Variants in KCNK9 observed in about 807,000 individuals in gnomAD.
KCNK9 encodes the protein potassium channel subfamily K member 9.
A neutral mutation model predicts 10.8 loss-of-function variants in KCNK9; 1 was observed. The ratio of observed to expected loss-of-function variants is 0.09; its 90% CI spans 0.03 to 0.44. KCNK9 has a LOEUF of 0.44. Ranked by LOEUF, KCNK9 falls within the 20% of genes least tolerant of loss-of-function variation. KCNK9 has a pLI of 0.97. For synonymous variants in KCNK9, 231 were observed against 222.7 expected (o/e 1.04, Z -0.33); for missense variants, 303 against 515.0 (o/e 0.59, Z 3.98).
At chr8:139,678,696 C>A (rs937054187) in intron 1 of KCNK9, among the ~76,000 whole-genome samples, 2 of 152,244 alleles carry the variant, frequency 1.3e-5, no homozygotes, top group African/African-American at 2.4e-5. Context: ...GGGGTCAAGG[C>A]CTGTGGGCTT....
chr8:139,624,704 C>T (rs568791829), intron 1 of KCNK9, among the ~76,000 whole-genome samples: 1 of 152,308 alleles, frequency 6.6e-6, no homozygotes, highest in African/African-American at 2.4e-5. Context: ...CTGGAGCATC[C>T]TAGGTCACCT....
At chr8:139,675,383 CA>C (rs1816526131) in intron 1 of KCNK9, among the ~76,000 whole-genome samples, 1 of 152,162 alleles carries the variant, frequency 6.6e-6, no homozygotes, top group African/African-American at 2.4e-5. Flanking sequence ...ATTTTAATCC[CA>C]ATGTGACAGC....
chr8:139,606,557 TC>T (rs1357289485), intron 2 of KCNK9, among the ~76,000 whole-genome samples: 3 of 152,212 alleles, frequency 2.0e-5, no homozygotes, highest in Non-Finnish European at 2.9e-5. Flanking sequence ...AAGCTTAATT[TC>T]TTCTATGCCT....
At chr8:139,624,420 G>T (rs1814899420) in intron 1 of KCNK9, among the ~76,000 whole-genome samples, 1 of 152,160 alleles carries the variant, frequency 6.6e-6, no homozygotes, top group African/African-American at 2.4e-5. Flanking sequence ...CCTGGAGGGA[G>T]CTTACAGTCG....
chr8:139,616,691 T>C (rs1814599778), downstream of KCNK9: 1 of 152,204 alleles, frequency 6.6e-6, no homozygotes, highest in African/African-American at 2.4e-5. Context: ...TAAACCGTGT[T>C]CCTTCTGAGT....
chr8:139,603,128 A>G (rs1817408674), intron 2 of KCNK9, among the ~76,000 whole-genome samples: 1 of 152,238 alleles, frequency 6.6e-6, no homozygotes, highest in South Asian at 2.1e-4. Flanking sequence ...AAACCAAGAT[A>G]TGCAGAAAAG....
chr8:139,632,515 C>G (rs576290223), intron 1 of KCNK9, among the ~76,000 whole-genome samples: 127 of 152,286 alleles, frequency 8.3e-4, no homozygotes, highest in African/African-American at 3.0e-3. Context: ...CCTGGGCACA[C>G]AGCTGGGCCA....
In KCNK9 at chr8:139,617,937, C is replaced by A; in HGVS notation, c.*321G>T. On this transcript the variant is annotated 3_prime_UTR_variant, in exon 2 of 2. Coordinates refer to ENST00000520439, the MANE Select transcript of KCNK9 (RefSeq NM_001282534.2). ...CGTGGTCTTGGTCTCACATCTGTCC[C>A]GGGAAAACCACTGCAGAGATGATGG... is the stretch of plus-strand genomic sequence containing the variant. The A allele has an allele frequency of 2.7e-6, 1 of 371,552 alleles. No homozygotes were observed. Among genetic ancestry groups the A allele is most frequent in the Non-Finnish European group, 5.1e-6 (1 of 196,936 alleles). The allele number at this position is 371,552 out of a possible 1,614,324, so 23.0% of individuals were successfully genotyped here.
intron 1 of KCNK9, among the ~76,000 whole-genome samples, chr8:139,632,991 T>C (rs924416705): frequency 6.6e-6 from 1 of 152,002 alleles, no homozygotes; most frequent in Non-Finnish European, 1.5e-5. Context: ...ACCCCTCGGT[T>C]TGGTGCAGTC....
chr8:139,614,007 A>G (rs1327942656), downstream of KCNK9, among the ~76,000 whole-genome samples: 1 of 152,114 alleles, frequency 6.6e-6, no homozygotes, highest in African/African-American at 2.4e-5. Context: ...ATATTACAAA[A>G]AGAAATGGAG....
At chr8:139,680,046 C>T (rs1374145613) in intron 1 of KCNK9, among the ~76,000 whole-genome samples, 1 of 152,206 alleles carries the variant, frequency 6.6e-6, no homozygotes, top group African/African-American at 2.4e-5. Flanking sequence ...GGCTCCCACC[C>T]CGACCAGGTC....
At chr8:139,662,358 G>A (rs964901922) in intron 1 of KCNK9, among the ~76,000 whole-genome samples, 16 of 152,304 alleles carry the variant, frequency 1.1e-4, no homozygotes, top group Admixed American at 7.8e-4. Context: ...GATGGGGGAC[G>A]AGGGGACACG....
chr8:139,649,645 A>G (rs1021833038), intron 1 of KCNK9, among the ~76,000 whole-genome samples: 3 of 152,124 alleles, frequency 2.0e-5, no homozygotes, highest in Admixed American at 6.5e-5. Flanking sequence ...AAAGCCTTCA[A>G]TGGCTCCCCA....
At chr8:139,613,094 C>A (rs977512413), downstream of KCNK9, among the ~76,000 whole-genome samples, 1 of 152,218 alleles carries the variant, frequency 6.6e-6, no homozygotes, top group Non-Finnish European at 1.5e-5. Context: ...TTAGGCGTGA[C>A]AATGGCACCG....
At chr8:139,661,615 C>T (rs1244178606) in intron 1 of KCNK9, among the ~76,000 whole-genome samples, 2 of 152,200 alleles carry the variant, frequency 1.3e-5, no homozygotes, top group Non-Finnish European at 2.9e-5. Flanking sequence ...ATCATCCAGC[C>T]CCCAGCACCA....
rs772706753 is a variant in KCNK9, at chr8:139,702,671, C to G, written c.283+39G>C. 7.0e-6 allele frequency: 11 copies of G among 1,574,206 alleles called. No individual in the cohort carries two copies. The highest frequency in any genetic ancestry group is 9.4e-6 in the Non-Finnish European group (11 of 1,164,618). On this transcript the variant is annotated intron_variant, in intron 1 of 1. Transcript: ENST00000520439. The surrounding 1 kb of genome is among the most constrained non-coding windows in gnomAD (Gnocchi z 7.5). ...CGCTCAGCCGCCTCCCCGGACTCCTCCCGGGGCGCGGGAGCCCAGCGGCGC... is the reference window on the plus strand; with the variant it reads ...CGCTCAGCCGCCTCCCCGGACTCCTGCCGGGGCGCGGGAGCCCAGCGGCGC...
chr8:139,644,590 G>A (rs1427014808), intron 1 of KCNK9, among the ~76,000 whole-genome samples: 2 of 152,200 alleles, frequency 1.3e-5, no homozygotes, highest in Non-Finnish European at 2.9e-5. Flanking sequence ...ATTCAGAGAT[G>A]AGGAAAGTGA....
intron 1 of KCNK9, among the ~76,000 whole-genome samples, chr8:139,648,703 G>T (rs1815765123): frequency 6.6e-6 from 1 of 152,224 alleles, no homozygotes; most frequent in South Asian, 2.1e-4. Flanking sequence ...CTGACAGATG[G>T]GTAAGGACGC....
At chr8:139,660,076 C>T (rs992112112) in intron 1 of KCNK9, among the ~76,000 whole-genome samples, 9 of 152,010 alleles carry the variant, frequency 5.9e-5, no homozygotes. Context: ...AGATGTGTTG[C>T]CTATTCAGTA....
Sources: allele counts gnomAD v4.1 joint callset (sites outside exome capture counted in the v4.1 genomes callset), GRCh38; gene constraint gnomAD v4.1.1; non-coding constraint Gnocchi (gnomAD v3.1); transcripts MANE v1.5; gene names NCBI Gene and HGNC (gene_info 2026-07-23, HGNC 2026-07-21).